CDKL5: variants seen among roughly 807,000 people sequenced by gnomAD.
CDKL5 encodes the protein cyclin-dependent kinase-like 5.
CDKL5 carries 8 observed loss-of-function variants against 61.7 expected under a neutral mutation model. The observed-to-expected ratio is 0.13, with a 90% CI of 0.08 to 0.23. The LOEUF (loss-of-function observed/expected upper bound fraction) is 0.23. Among genes scored for constraint, CDKL5 ranks in the 10% least tolerant of loss-of-function variants. The pLI, the probability that CDKL5 is intolerant of heterozygous loss-of-function variation, is 1.00. For synonymous variants in CDKL5, 275 were observed against 272.3 expected (o/e 1.01, Z -0.10); for missense variants, 440 against 734.5 (o/e 0.60, Z 4.63).
rs1024342363 is a variant in CDKL5 at position 18,609,687 on chromosome X, C to T, written c.2152+117C>T. On this transcript the variant is annotated intron_variant, in intron 14 of 17. Transcript: ENST00000623535. ...TCTCACCTACACTGTCGCCTTCCAG[C>T]GGTTCTCCCTGCCTCTGCTCCTGCT... 8.1e-6 allele frequency: 9 copies of T among 1,108,821 alleles called. No individual in the cohort carries two copies. The African/African-American group carries it at 9.2e-5, about 11-fold the overall frequency. 91.4% of individuals were successfully genotyped at this position (1,108,821 alleles called of 1,213,427 possible).
chrX:18,452,741 A>G (rs1471289629), intron 1 of CDKL5, among the ~76,000 whole-genome samples: 1 of 109,419 alleles, frequency 9.1e-6, no homozygotes, highest in Non-Finnish European at 1.9e-5. Context: ...TAAACATGAA[A>G]GCACTTTGAA....
chrX:18,543,279 G>C lies in CDKL5; in HGVS notation c.100-21198G>C, dbSNP rs142872620. ...CCTTTTCCTGGTCTTTTGGCTGAAAGAACAGGTTTTTCTTGGAGCTATTTT... is the reference window on the plus strand; with the variant it reads ...CCTTTTCCTGGTCTTTTGGCTGAAACAACAGGTTTTTCTTGGAGCTATTTT... On this transcript the variant is annotated intron_variant, in intron 3 of 17. Coordinates refer to ENST00000623535, the MANE Select transcript of CDKL5 (RefSeq NM_001323289.2). 2.1e-3 allele frequency among the ~76,000 whole-genome samples: 226 copies of C among 109,585 alleles called. 3 individuals are homozygous for C. Among genetic ancestry groups the C allele is most frequent in the Non-Finnish European group, 3.7e-3 (193 of 52,751 alleles).
At chrX:18,472,516 G>T (rs1259686486) in intron 1 of CDKL5, among the ~76,000 whole-genome samples, 2 of 111,824 alleles carry the variant, frequency 1.8e-5, no homozygotes, top group African/African-American at 6.5e-5. Context: ...ATAAGACATT[G>T]TGCTGTCCTT....
At chrX:18,525,235 A>C (rs1338464516) in intron 3 of CDKL5, among the ~76,000 whole-genome samples, 2 of 111,294 alleles carry the variant, frequency 1.8e-5, no homozygotes, top group Non-Finnish European at 3.8e-5. Flanking sequence ...AGTTGCAAGG[A>C]CTACAGGTAC....
In CDKL5 at chrX:18,603,997, A is replaced by G. The variant is rs1926259364; in HGVS notation, c.1073A>G (p.Glu358Gly). 1 of 1,209,230 alleles carries G rather than the reference A, an allele frequency of 8.3e-7. No individual in the cohort carries two copies. Among genetic ancestry groups the G allele is most frequent in the African/African-American group, 1.8e-5 (1 of 56,874 alleles). ...AGTGTAGGCCTGCCCCGGGCTGACG[A>G]AGGTCTCCCTGCCAATGAAAGCTTC... ...NLSVGLPRADEGLPANESFLN... is the reference protein window; with the variant it reads ...NLSVGLPRADGGLPANESFLN... The change falls in exon 12 of 18, where the codon GAA becomes GGA. Residue 358 changes from glutamate (E) to glycine (G), a missense_variant. Glu to Gly is a moderately conservative substitution (Grantham distance 98). This residue lies in a region of CDKL5 where 363 missense variants were observed against 516.3 expected (regional missense o/e 0.70). Transcript: ENST00000623535.
chrX:18,477,328 A>G (rs975454202), intron 1 of CDKL5, among the ~76,000 whole-genome samples: 2 of 111,613 alleles, frequency 1.8e-5, no homozygotes, highest in East Asian at 2.8e-4. Context: ...TGGCCTCCCA[A>G]AGTGCTGGGA....
chrX:18,476,314 C>T (rs939715951), intron 1 of CDKL5, among the ~76,000 whole-genome samples: 3 of 111,251 alleles, frequency 2.7e-5, no homozygotes, highest in African/African-American at 9.8e-5. Context: ...CTCCTGGGCT[C>T]AGGCAGTCCT....
rs139849633 is a variant in CDKL5 at position 18,432,099 on chromosome X, C to CT, written c.-163+6421dup. 9.7e-3 allele frequency among the ~76,000 whole-genome samples: 871 copies of CT among 90,221 alleles called. 9 individuals carry two copies. The highest frequency in any genetic ancestry group is 0.015 in the Non-Finnish European group (686 of 45,474). 78.3% of individuals were successfully genotyped at this position (90,221 alleles called of 115,157 possible). A position where few individuals can be genotyped will look rare whatever the true frequency, so the allele number is the denominator to read the frequency against. ...AATTTCTTTCTTTCTTTCTTTCTTT[C>CT]TTTTTTTTTTTTTTTTTGAGATGGA... On this transcript the variant is annotated intron_variant, in intron 1 of 17. Coordinates refer to ENST00000623535, the MANE Select transcript of CDKL5 (RefSeq NM_001323289.2).
intron 3 of CDKL5, among the ~76,000 whole-genome samples, chrX:18,519,030 T>C (rs888089649): frequency 1.8e-5 from 2 of 110,859 alleles, no homozygotes; most frequent in Admixed American, 9.6e-5. Flanking sequence ...ATCCTTGGTG[T>C]AGTAATGATG....
chrX:18,460,588 T>A (rs1335381695), intron 1 of CDKL5, among the ~76,000 whole-genome samples: 3 of 111,265 alleles, frequency 2.7e-5, no homozygotes, highest in African/African-American at 9.8e-5. Flanking sequence ...AGCCTCTATC[T>A]ATCCAGGTTC....
intron 16 of CDKL5, among the ~76,000 whole-genome samples, chrX:18,622,557 A>C (rs1327977199): frequency 1.8e-5 from 2 of 112,610 alleles, no homozygotes; most frequent in African/African-American, 6.5e-5. Flanking sequence ...TAAGCTTCAA[A>C]AGATTTAAGG....
chrX:18,455,187 A>G (rs1932115269), intron 1 of CDKL5, among the ~76,000 whole-genome samples: 1 of 111,889 alleles, frequency 8.9e-6, no homozygotes, highest in Admixed American at 9.6e-5. Flanking sequence ...AGTGCAGAAT[A>G]ATAGATTTTT....
intron 3 of CDKL5, among the ~76,000 whole-genome samples, 153 bp from the exon 4 acceptor site, chrX:18,564,324 A>C (rs1212941274): frequency 1.8e-5 from 2 of 110,582 alleles, no homozygotes; most frequent in African/African-American, 3.3e-5. Context: ...TTTGGAACCA[A>C]GAAATGAGAG....
intron 1 of CDKL5, among the ~76,000 whole-genome samples, chrX:18,454,853 A>G (rs751670569): frequency 2.2e-4 from 24 of 107,822 alleles, no homozygotes; most frequent in African/African-American, 8.1e-4. Context: ...TGGAAATGAT[A>G]TAATATCATT....
chrX:18,578,152 C>G (rs747607923), intron 5 of CDKL5, among the ~76,000 whole-genome samples: 1 of 112,217 alleles, frequency 8.9e-6, no homozygotes, highest in African/African-American at 3.2e-5. Context: ...CTTATCCCCA[C>G]TAGCACCCAT....
chrX:18,648,791 G>T (rs1395451477), intron 20 of CDKL5, among the ~76,000 whole-genome samples: 6 of 111,281 alleles, frequency 5.4e-5, no homozygotes, highest in African/African-American at 2.0e-4. Flanking sequence ...TGTGGGTAAG[G>T]CCGAGAGAAC....
chrX:18,456,252 C>G (rs1372766987), intron 1 of CDKL5, among the ~76,000 whole-genome samples: 1 of 110,351 alleles, frequency 9.1e-6, no homozygotes, highest in Non-Finnish European at 1.9e-5. Flanking sequence ...GTTAGCCAGG[C>G]TGGTCGAACT....
intron 1 of CDKL5, among the ~76,000 whole-genome samples, chrX:18,452,252 T>C (rs1457885249): frequency 9.0e-6 from 1 of 111,564 alleles, no homozygotes; most frequent in African/African-American, 3.3e-5. Flanking sequence ...TGTCTCAGAG[T>C]TTACTCTGTA....
intron 1 of CDKL5, among the ~76,000 whole-genome samples, chrX:18,450,660 C>T (rs1229902864): frequency 9.0e-6 from 1 of 110,967 alleles, no homozygotes; most frequent in Admixed American, 9.7e-5. Flanking sequence ...CTGCAACCTC[C>T]GCCTCCTGGG....
Sources: gnomAD v4.1 joint callset for allele counts (sites outside exome capture counted in the v4.1 genomes callset) on GRCh38, gnomAD v4.1.1 for gene constraint, gnomAD v4.1.1 regional missense constraint, MANE v1.5 for transcripts, NCBI Gene and HGNC (gene_info 2026-07-23, HGNC 2026-07-21) for gene names.